The following TTBK2 variants were observed in gnomAD, a reference collection of about 807,000 sequenced individuals.
TTBK2 encodes the protein tau-tubulin kinase 2.
A neutral mutation model predicts 110.8 loss-of-function variants in TTBK2; 28 were observed. The ratio of observed to expected loss-of-function variants is 0.25; its 90% CI spans 0.19 to 0.35. The LOEUF (loss-of-function observed/expected upper bound fraction) is 0.35. Ranked by LOEUF, TTBK2 falls within the 10% of genes least tolerant of loss-of-function variation. TTBK2 has a pLI of 1.00. For missense variants in TTBK2, 1,369 were observed against 1,500.3 expected (o/e 0.91, Z 1.45); for synonymous variants, 532 against 527.3 (o/e 1.01, Z -0.12).
At chr15:42,903,673 C>T (rs572578230) in intron 1 of TTBK2, among the ~76,000 whole-genome samples, 2 of 152,314 alleles carry the variant, frequency 1.3e-5, no homozygotes, top group Non-Finnish European at 2.9e-5. Context: ...CCAGGTTTGG[C>T]TGACTGCTTC....
chr15:42,816,981 T>C, intron 7 of TTBK2, 51 bp downstream of exon 7: 1 of 1,234,774 alleles, frequency 8.1e-7, no homozygotes, highest in Non-Finnish European at 1.1e-6. Context: ...GTCAATCTGA[T>C]TTAAGCTATT....
In TTBK2 at chr15:42,766,446, C is replaced by CAAAA. The variant is rs567972612; in HGVS notation, c.1998+8685_1998+8688dup. 7.5e-3 allele frequency among the ~76,000 whole-genome samples: 231 copies of CAAAA among 30,698 alleles called. 2 individuals carry two copies. Among genetic ancestry groups the CAAAA allele is most frequent in the East Asian group, 0.01 (14 of 1,388 alleles). The allele number at this position is 30,698 out of a possible 152,430, so 20.1% of individuals were successfully genotyped here. A position where few individuals can be genotyped will look rare whatever the true frequency, so the allele number is the denominator to read the frequency against. On this transcript the variant is annotated intron_variant, in intron 13 of 14. Transcript: ENST00000267890. ...GAAGATCTACCAAGCGAATGGAAAGCAAAAAAAAAAAAAAAAAAAAAGCAA... is the reference window on the plus strand; with the variant it reads ...GAAGATCTACCAAGCGAATGGAAAGCAAAAAAAAAAAAAAAAAAAAAAAAAGCAA...
chr15:42,842,278 C>A (rs1180257191), intron 3 of TTBK2, among the ~76,000 whole-genome samples: 1 of 152,030 alleles, frequency 6.6e-6, no homozygotes, highest in Non-Finnish European at 1.5e-5. Context: ...TAGGAGGAAA[C>A]TGAGAGAGCC....
At chr15:42,887,383 T>TA (rs1895285861) in intron 1 of TTBK2, among the ~76,000 whole-genome samples, 1 of 152,096 alleles carries the variant, frequency 6.6e-6, no homozygotes, top group South Asian at 2.1e-4. Flanking sequence ...AGGATACCTC[T>TA]ACTCCCTCCT....
chr15:42,815,928 AAAAATATATATATATATATTT>A (rs1438369313), intron 7 of TTBK2, among the ~76,000 whole-genome samples: 1 of 49,154 alleles, frequency 2.0e-5, no homozygotes, highest in African/African-American at 1.6e-4. Context: ...ATATATATTT[AAAAATATATATATATATATTT>A]AAAAAAAAAA....
intron 11 of TTBK2, among the ~76,000 whole-genome samples, chr15:42,781,780 G>T (rs1037876815): frequency 1.3e-5 from 2 of 152,008 alleles, no homozygotes; most frequent in African/African-American, 4.8e-5. Context: ...ACTTATTAAG[G>T]TTTGTTTTGT....
At chr15:42,873,561 A>T (rs1894697673) in intron 2 of TTBK2, among the ~76,000 whole-genome samples, 1 of 152,174 alleles carries the variant, frequency 6.6e-6, no homozygotes, top group Admixed American at 6.6e-5. Context: ...CTATCCCAGA[A>T]TTCACTATAC....
rs534404502 is a variant in TTBK2 at position 42,866,335 on chromosome 15, A to G, written c.217+6276T>C. ...GTATTACATAATGATAAAGGGGTCA[A>G]TTCTCTAAGAGGCCATATACTATGT... On this transcript the variant is annotated intron_variant, in intron 3 of 14. Coordinates refer to ENST00000267890, the MANE Select transcript of TTBK2 (RefSeq NM_173500.4). Among the ~76,000 whole-genome samples, 102 of 152,288 alleles carry G rather than the reference A, an allele frequency of 6.7e-4. No homozygotes were observed. The Middle Eastern group carries it at 0.01, about 15-fold the overall frequency.
intron 3 of TTBK2, among the ~76,000 whole-genome samples, chr15:42,863,942 T>TA (rs1187025572): frequency 1.3e-5 from 2 of 152,216 alleles, no homozygotes; most frequent in Non-Finnish European, 2.9e-5. Flanking sequence ...CAAGATGAAT[T>TA]AAAGACTTAA....
chr15:42,883,211 G>C (rs1032091502), intron 1 of TTBK2, among the ~76,000 whole-genome samples: 1 of 151,632 alleles, frequency 6.6e-6, no homozygotes, highest in South Asian at 2.1e-4. Context: ...GAGAAACCCC[G>C]TCTCTTCTAA....
intron 3 of TTBK2, among the ~76,000 whole-genome samples, chr15:42,854,707 G>T (rs909462386): frequency 1.3e-5 from 2 of 151,836 alleles, no homozygotes; most frequent in Non-Finnish European, 2.9e-5. Context: ...AGATCCAAGG[G>T]ACTGGCTTCC....
chr15:42,807,225 C>T (rs1258318322), intron 9 of TTBK2, among the ~76,000 whole-genome samples: 1 of 152,060 alleles, frequency 6.6e-6, no homozygotes, highest in African/African-American at 2.4e-5. Context: ...CTATCCTATC[C>T]TCTGATATTA....
chr15:42,813,977 G>A (rs1371305453), intron 7 of TTBK2, among the ~76,000 whole-genome samples: 3 of 152,124 alleles, frequency 2.0e-5, no homozygotes, highest in African/African-American at 7.2e-5. Flanking sequence ...AGATTAAAAT[G>A]TAAAACAACA....
chr15:42,815,084 T>C (rs1021859682), intron 7 of TTBK2, among the ~76,000 whole-genome samples: 1 of 152,224 alleles, frequency 6.6e-6, no homozygotes, highest in African/African-American at 2.4e-5. Flanking sequence ...CAGATTCCAA[T>C]GTTGACATAA....
At position 42,745,675 on chromosome 15, in the gene TTBK2, G is replaced by A; in HGVS notation, c.*120C>T. The A allele has an allele frequency of 8.3e-7, 1 of 1,200,642 alleles. No homozygotes were observed. The highest frequency in any genetic ancestry group is 1.5e-5 in the African/African-American group (1 of 66,884). The allele number at this position is 1,200,642 out of a possible 1,614,324, so 74.4% of individuals were successfully genotyped here. ...TGTCTTCTTATAAATAATTGATCAT[G>A]TTACTTTCTTTTGCAAGAGAAGATC... On this transcript the variant is annotated 3_prime_UTR_variant, in exon 15 of 15. Transcript: ENST00000267890.
intron 9 of TTBK2, chr15:42,802,226 T>A (rs1351767660): frequency 1.1e-6 from 1 of 877,924 alleles, no homozygotes; most frequent in Admixed American, 1.7e-5. Flanking sequence ...ATGGTGGTGA[T>A]GCCTCCACTG....
intron 3 of TTBK2, among the ~76,000 whole-genome samples, chr15:42,850,885 T>C (rs1028065023): frequency 2.6e-5 from 4 of 151,416 alleles, no homozygotes; most frequent in Admixed American, 2.6e-4. Context: ...ACCCAAAGTG[T>C]GAGAAAAAAG....
At chr15:42,808,146 G>A (rs1891554602) in intron 9 of TTBK2, among the ~76,000 whole-genome samples, 3 of 152,180 alleles carry the variant, frequency 2.0e-5, no homozygotes, top group Admixed American at 2.0e-4. Context: ...TGTAAAGTGA[G>A]AGACACATGA....
chr15:42,757,345 A>T (rs2061961970), intron 13 of TTBK2, among the ~76,000 whole-genome samples: 1 of 152,144 alleles, frequency 6.6e-6, no homozygotes, highest in Non-Finnish European at 1.5e-5. Context: ...TCCTGGGCTC[A>T]AGAGATCTTC....
Sources: gnomAD v4.1 joint callset for allele counts (sites outside exome capture counted in the v4.1 genomes callset) on GRCh38, gnomAD v4.1.1 for gene constraint, MANE v1.5 for transcripts, NCBI Gene and HGNC (gene_info 2026-07-23, HGNC 2026-07-21) for gene names.